The following EPHA6 variants were observed in gnomAD, a reference collection of about 807,000 sequenced individuals.
EPHA6 encodes the protein EPH receptor A6.
EPHA6 carries 50 observed loss-of-function variants against 112.0 expected under a neutral mutation model. The ratio of observed to expected loss-of-function variants is 0.45; its 90% confidence interval spans 0.36 to 0.56. The LOEUF (loss-of-function observed/expected upper bound fraction) is 0.56, where lower values mean the gene tolerates loss of function less well. Among genes scored for constraint, EPHA6 ranks in the 20% least tolerant of loss-of-function variants. EPHA6 has a pLI of 0.00. For synonymous variants in EPHA6, 529 were observed against 490.7 expected, an observed-to-expected ratio of 1.08 and a Z score of -1.03; for missense variants, 1,280 against 1,417.4, an observed-to-expected ratio of 0.90 and a Z score of 1.56.
chr3:97,150,574 T>G (rs1438545103), intron 3 of EPHA6, among the ~76,000 whole-genome samples: 1 of 152,074 alleles, frequency 6.6e-6, no homozygotes, highest in Non-Finnish European at 1.5e-5. Context: ...TAATTGGGAC[T>G]TGGGAAAACA....
intron 4 of EPHA6, among the ~76,000 whole-genome samples, chr3:97,231,936 TAAAC>T (rs911787416): frequency 3.0e-4 from 45 of 152,104 alleles, no homozygotes; most frequent in Admixed American, 4.6e-4. Flanking sequence ...GAAGTTCCCT[TAAAC>T]AAATAAAGAA....
intron 3 of EPHA6, among the ~76,000 whole-genome samples, chr3:97,161,541 A>G (rs1379200395): frequency 2.6e-5 from 4 of 152,118 alleles, no homozygotes; most frequent in Admixed American, 6.6e-5. Flanking sequence ...CACTTGGTAA[A>G]TGGGTGAGAG....
At chr3:96,972,209 A>G (rs1333874636) in intron 2 of EPHA6, among the ~76,000 whole-genome samples, 2 of 152,068 alleles carry the variant, frequency 1.3e-5, no homozygotes, top group Non-Finnish European at 2.9e-5. Flanking sequence ...TATTTACTAT[A>G]AATACATTTT....
chr3:97,549,561 A>G (rs1342116512), intron 11 of EPHA6, among the ~76,000 whole-genome samples: 1 of 152,180 alleles, frequency 6.6e-6, no homozygotes, highest in East Asian at 1.9e-4. Context: ...GAAACCTCGA[A>G]TGACTCTGGA....
chr3:97,718,318 A>G (rs1219666222), intron 14 of EPHA6, among the ~76,000 whole-genome samples: 2 of 152,228 alleles, frequency 1.3e-5, no homozygotes, highest in East Asian at 3.8e-4. Flanking sequence ...TTTTTAGAAC[A>G]TGACTTTATG....
At chr3:97,742,230 A>G (rs987705219) in intron 16 of EPHA6, among the ~76,000 whole-genome samples, 6 of 152,230 alleles carry the variant, frequency 3.9e-5, no homozygotes, top group South Asian at 4.2e-4. Flanking sequence ...TTCTCATGAC[A>G]ACATTTTGAC....
At chr3:97,479,210 A>T in intron 8 of EPHA6, 84 bp from the exon 9 acceptor site, 1 of 760,330 alleles carries the variant, frequency 1.3e-6, no homozygotes, top group African/African-American at 1.8e-5. Flanking sequence ...AAATTTGTTC[A>T]TAGATTATAT....
At chr3:97,598,399 A>G (rs1340377726) in intron 12 of EPHA6, among the ~76,000 whole-genome samples, 6 of 139,448 alleles carry the variant, frequency 4.3e-5, no homozygotes, top group South Asian at 2.5e-4. Context: ...ATATCTCCCA[A>G]TGCTATCCCT....
intron 4 of EPHA6, among the ~76,000 whole-genome samples, chr3:97,229,155 G>A (rs946053395): frequency 2.6e-5 from 4 of 151,984 alleles, no homozygotes; most frequent in Admixed American, 6.6e-5. Flanking sequence ...ATTTCCTCCT[G>A]CTCTGTGGGT....
chr3:97,586,330 T>A (rs1193154810), intron 11 of EPHA6, among the ~76,000 whole-genome samples: 1 of 152,142 alleles, frequency 6.6e-6, no homozygotes, highest in African/African-American at 2.4e-5. Context: ...GAAATAAAGA[T>A]CTCCATGGAG....
intron 1 of EPHA6, among the ~76,000 whole-genome samples, chr3:96,828,474 G>T (rs908970391): frequency 1.3e-5 from 2 of 152,086 alleles, no homozygotes; most frequent in Non-Finnish European, 2.9e-5. Flanking sequence ...AGATGGAAAA[G>T]AAATCTTAAA....
chr3:97,329,755 C>G (rs1023829861), intron 5 of EPHA6, among the ~76,000 whole-genome samples: 2 of 152,062 alleles, frequency 1.3e-5, no homozygotes, highest in African/African-American at 4.8e-5. Flanking sequence ...AATTTTCTCC[C>G]ATTCTGTAGG....
intron 6 of EPHA6, among the ~76,000 whole-genome samples, chr3:97,422,308 T>A (rs1005248628): frequency 2.0e-5 from 3 of 151,972 alleles, no homozygotes; most frequent in Non-Finnish European, 4.4e-5. Flanking sequence ...AACAAGCCAA[T>A]TGAAAACCTT....
At chr3:97,608,541 T>C (rs749577441) in intron 12 of EPHA6, among the ~76,000 whole-genome samples, 77 of 151,456 alleles carry the variant, frequency 5.1e-4, no homozygotes, top group Non-Finnish European at 8.4e-4. Flanking sequence ...CATTTCATAG[T>C]GTACACAACA....
chr3:97,747,505 C>A lies in EPHA6; in HGVS notation c.3211C>A (p.Gln1071Lys), dbSNP rs1197335407. Reference sequence around the variant, plus strand: ...CTGGCTAGATTCTATAAAGATGGGGCAATACAAGAATAACTTCGTGGCAGC... The same window carrying A: ...CTGGCTAGATTCTATAAAGATGGGGAAATACAAGAATAACTTCGTGGCAGC... Reference protein sequence around the residue: ...GDWLDSIKMGQYKNNFVAAGF... With the variant: ...GDWLDSIKMGKYKNNFVAAGF... The change falls in exon 17 of 18, where the codon CAA becomes AAA. Residue 1071 changes from glutamine (Q) to lysine (K), a missense_variant. By Grantham distance (53) the Gln-to-Lys change is moderately conservative. This residue lies in a region of EPHA6 where 145 missense variants were observed against 153.3 expected (regional missense o/e 0.95). Coordinates refer to ENST00000389672, the MANE Select transcript of EPHA6 (RefSeq NM_001080448.3). 6.2e-7 allele frequency: 1 copy of A among 1,610,352 alleles called. No individual in the cohort carries two copies. Among genetic ancestry groups the A allele is most frequent in the African/African-American group, 1.3e-5 (1 of 74,822 alleles).
rs553366027 is a variant in EPHA6, at chr3:97,415,477, G to A, written c.1731+10203G>A. Among the ~76,000 whole-genome samples the A allele has an allele frequency of 2.8e-3, 423 of 152,168 alleles. 5 individuals are homozygous for A. The South Asian group carries it at 0.038, about 14-fold the overall frequency. On this transcript the variant is annotated intron_variant, in intron 6 of 17. Coordinates refer to ENST00000389672, the MANE Select transcript of EPHA6 (RefSeq NM_001080448.3). ...AAATGAAGACAGACTTTATAAAATGGCAGAGAATATCCCAGGCAAGATACA... is the reference window on the plus strand; with the variant it reads ...AAATGAAGACAGACTTTATAAAATGACAGAGAATATCCCAGGCAAGATACA...
At chr3:97,522,933 G>C (rs1374463184) in intron 10 of EPHA6, among the ~76,000 whole-genome samples, 1 of 151,382 alleles carries the variant, frequency 6.6e-6, no homozygotes, top group South Asian at 2.1e-4. Flanking sequence ...TTTCTTAGTT[G>C]GTCTGGTCTG....
At chr3:96,868,608 A>G (rs1018786489) in intron 2 of EPHA6, among the ~76,000 whole-genome samples, 3 of 152,004 alleles carry the variant, frequency 2.0e-5, no homozygotes, top group Non-Finnish European at 4.4e-5. Context: ...CATTTTAACA[A>G]TTACACTTTT....
chr3:97,435,605 C>G (rs1052658431), intron 6 of EPHA6, among the ~76,000 whole-genome samples: 2 of 152,152 alleles, frequency 1.3e-5, no homozygotes, highest in African/African-American at 4.8e-5. Flanking sequence ...GAAATAGCAT[C>G]CATTACTCGC....
Sources: gnomAD v4.1 joint callset for allele counts (sites outside exome capture counted in the v4.1 genomes callset) on GRCh38, gnomAD v4.1.1 for gene constraint, gnomAD v4.1.1 regional missense constraint, MANE v1.5 for transcripts, NCBI Gene and HGNC (gene_info 2026-07-23, HGNC 2026-07-21) for gene names.